Variants in ARHGAP15 observed in about 807,000 individuals in gnomAD.
ARHGAP15 encodes the protein Rho GTPase activating protein 15, also known as rho GTPase-activating protein 15.
In ARHGAP15, 51 loss-of-function variants were observed where a neutral mutation model predicts 63.7. The observed-to-expected ratio is 0.80, with a 90% CI of 0.64 to 1.01. The LOEUF (loss-of-function observed/expected upper bound fraction) is 1.01, where lower values mean the gene tolerates loss of function less well. Among genes scored for constraint, ARHGAP15 ranks in the 50% least tolerant of loss-of-function variants. The probability of loss-of-function intolerance (pLI) is 0.00; values close to 1 mark genes in which losing one functional copy is unlikely to be tolerated. For missense variants in ARHGAP15, 560 were observed against 564.6 expected (o/e 0.99, Z 0.08); for synonymous variants, 191 against 193.8 (o/e 0.99, Z 0.12).
chr2:143,397,430 AT>A (rs1377922025), intron 6 of ARHGAP15, among the ~76,000 whole-genome samples: 2 of 151,548 alleles, frequency 1.3e-5, no homozygotes, highest in African/African-American at 4.9e-5. Flanking sequence ...TGCATGAACA[AT>A]TTTTTATGTA....
chr2:143,392,923 T>TA (rs897508032), intron 6 of ARHGAP15, among the ~76,000 whole-genome samples: 35 of 151,904 alleles, frequency 2.3e-4, no homozygotes, highest in African/African-American at 4.1e-4. Context: ...TCTCCATAGA[T>TA]AAAAAAAACC....
intron 11 of ARHGAP15, among the ~76,000 whole-genome samples, chr2:143,600,161 A>T (rs141583260): frequency 6.6e-6 from 1 of 152,316 alleles, no homozygotes; most frequent in African/African-American, 2.4e-5. Flanking sequence ...TTCAAAATTG[A>T]CACATACTAT....
At chr2:143,404,273 T>C (rs905525213) in intron 6 of ARHGAP15, among the ~76,000 whole-genome samples, 6 of 151,604 alleles carry the variant, frequency 4.0e-5, no homozygotes, top group Non-Finnish European at 4.4e-5. Context: ...AGAACAAGAA[T>C]TGGTAAAGAC....
At chr2:143,141,740 C>T (rs767284859) in intron 1 of ARHGAP15, among the ~76,000 whole-genome samples, 3 of 152,122 alleles carry the variant, frequency 2.0e-5, no homozygotes, top group Non-Finnish European at 2.9e-5. Flanking sequence ...TGGTTCTGCT[C>T]TTCATTTGCG....
In ARHGAP15 at chr2:143,270,631, T is replaced by C. The variant is rs990465232; in HGVS notation, c.474+20031T>C. On this transcript the variant is annotated intron_variant, in intron 6 of 13. Transcript: ENST00000295095. ...TACTACTTTCCTGTTTAAATAAATG[T>C]ATCTCAGAGACATTTTATTTCTTTG... Among the ~76,000 whole-genome samples, 7 of 152,220 alleles carry C rather than the reference T, an allele frequency of 4.6e-5. 1 individual carries two copies. Among genetic ancestry groups the C allele is most frequent in the Admixed American group, 3.3e-4 (5 of 15,284 alleles).
At chr2:143,209,919 G>T (rs1263990437) in intron 3 of ARHGAP15, among the ~76,000 whole-genome samples, 3 of 152,098 alleles carry the variant, frequency 2.0e-5, no homozygotes, top group Admixed American at 6.6e-5. Context: ...CTCCCATCCA[G>T]CTCCACATTT....
intron 13 of ARHGAP15, among the ~76,000 whole-genome samples, chr2:143,729,924 G>C (rs1003807825): frequency 2.0e-5 from 3 of 152,258 alleles, no homozygotes; most frequent in African/African-American, 7.2e-5. Context: ...AGGTGAGAGG[G>C]AGAAATCATA....
intron 13 of ARHGAP15, among the ~76,000 whole-genome samples, chr2:143,708,588 C>A (rs938105087): frequency 6.6e-6 from 1 of 152,118 alleles, no homozygotes; most frequent in Non-Finnish European, 1.5e-5. Flanking sequence ...GACACCCTGT[C>A]AGCCTGGCTG....
rs78956611 is a variant in ARHGAP15, at chr2:143,675,455, C to A, written c.1139-27964C>A. 6.8e-3 allele frequency among the ~76,000 whole-genome samples: 1,030 copies of A among 152,288 alleles called. 4 individuals carry two copies. The highest frequency in any genetic ancestry group is 0.027 in the Middle Eastern group (8 of 292). On this transcript the variant is annotated intron_variant, in intron 12 of 13. Coordinates refer to ENST00000295095, the MANE Select transcript of ARHGAP15 (RefSeq NM_018460.4). ...GCTTTCAATTTACTTCGCCCACATT[C>A]ATCAGAGGGCTCATTCTCTATGGCA...
rs578201594 is a variant in ARHGAP15, at chr2:143,263,478, T to C, written c.474+12878T>C. 5.9e-5 allele frequency among the ~76,000 whole-genome samples: 9 copies of C among 152,228 alleles called. No homozygotes were observed. The South Asian group carries it at 1.4e-3, about 25-fold the overall frequency. On this transcript the variant is annotated intron_variant, in intron 6 of 13. Transcript: ENST00000295095. Reference sequence around the variant, plus strand: ...ATCATGTAATCAGTGGTAGGTAGCCTTGGGGAGAAAAAGCCATGATGTTGA... The same window carrying C: ...ATCATGTAATCAGTGGTAGGTAGCCCTGGGGAGAAAAAGCCATGATGTTGA...
At chr2:143,268,953 A>G (rs1028691198) in intron 6 of ARHGAP15, among the ~76,000 whole-genome samples, 1 of 152,144 alleles carries the variant, frequency 6.6e-6, no homozygotes, top group African/African-American at 2.4e-5. Context: ...ATATATTCCA[A>G]AGTGTTATAA....
intron 10 of ARHGAP15, among the ~76,000 whole-genome samples, chr2:143,522,951 A>C (rs1033064276): frequency 6.6e-6 from 1 of 152,176 alleles, no homozygotes; most frequent in Non-Finnish European, 1.5e-5. Context: ...CTTAGATAGA[A>C]GGGCCTAGGA....
intron 1 of ARHGAP15, among the ~76,000 whole-genome samples, chr2:143,144,924 T>C (rs1005622365): frequency 3.3e-5 from 5 of 152,080 alleles, no homozygotes; most frequent in African/African-American, 4.8e-5. Flanking sequence ...CATAAACCTT[T>C]ATAAAAATAA....
At chr2:143,341,189 T>G (rs1010313383) in intron 6 of ARHGAP15, among the ~76,000 whole-genome samples, 1 of 152,104 alleles carries the variant, frequency 6.6e-6, no homozygotes, top group Non-Finnish European at 1.5e-5. Context: ...GCATCCCTTC[T>G]TTTGGAATTT....
intron 11 of ARHGAP15, among the ~76,000 whole-genome samples, chr2:143,566,181 TCTGAATGA>T (rs1189304932): frequency 5.9e-5 from 9 of 152,044 alleles, no homozygotes; most frequent in African/African-American, 2.2e-4. Context: ...CAAACTAAGG[TCTGAATGA>T]CTTAGAACCA....
chr2:143,708,876 A>G (rs1684448391), intron 13 of ARHGAP15, among the ~76,000 whole-genome samples: 3 of 152,086 alleles, frequency 2.0e-5, no homozygotes. Context: ...AAAGCCTGAT[A>G]AGTAAGAGAT....
intron 10 of ARHGAP15, among the ~76,000 whole-genome samples, chr2:143,548,271 C>T (rs1256765448): frequency 6.6e-6 from 1 of 151,946 alleles, no homozygotes; most frequent in Admixed American, 6.6e-5. Flanking sequence ...CCCAATTGCC[C>T]AAGTGTTCAA....
chr2:143,537,732 A>G (rs371444215), intron 10 of ARHGAP15, among the ~76,000 whole-genome samples: 5 of 151,926 alleles, frequency 3.3e-5, no homozygotes, highest in Non-Finnish European at 5.9e-5. Context: ...TGTTCCATTG[A>G]TCTATATCTC....
chr2:143,278,953 C>A (rs2105075855), intron 6 of ARHGAP15, among the ~76,000 whole-genome samples: 1 of 149,278 alleles, frequency 6.7e-6, no homozygotes, highest in South Asian at 2.1e-4. Context: ...TGTTTTTACT[C>A]AAATAGCAGA....
Sources: gnomAD v4.1 joint callset for allele counts (sites outside exome capture counted in the v4.1 genomes callset) on GRCh38, gnomAD v4.1.1 for gene constraint, MANE v1.5 for transcripts, NCBI Gene and HGNC (gene_info 2026-07-23, HGNC 2026-07-21) for gene names.